KIF26B: variants seen among roughly 807,000 people sequenced by gnomAD.
KIF26B encodes kinesin-like protein KIF26B.
KIF26B carries 63 observed loss-of-function variants against 151.2 expected under a neutral mutation model. The ratio of observed to expected loss-of-function variants is 0.42; its 90% CI spans 0.34 to 0.51. The LOEUF (loss-of-function observed/expected upper bound fraction) is 0.51, where lower values mean the gene tolerates loss of function less well. KIF26B is among the 20% of genes least tolerant of loss of function. The probability of loss-of-function intolerance (pLI) is 0.07; values close to 1 mark genes in which losing one functional copy is unlikely to be tolerated. For synonymous variants in KIF26B, 1,357 were observed against 1,262.1 expected, an observed-to-expected ratio of 1.08 and a Z score of -1.59; for missense variants, 2,813 against 2,913.6, an observed-to-expected ratio of 0.97 and a Z score of 0.79.
chr1:245,232,196 T>C (rs1670012426), intron 2 of KIF26B, among the ~76,000 whole-genome samples: 1 of 152,198 alleles, frequency 6.6e-6, no homozygotes, highest in Admixed American at 6.5e-5. Context: ...TCTGAAGAAA[T>C]TAGGATATGG....
intron 5 of KIF26B, among the ~76,000 whole-genome samples, chr1:245,558,868 G>C (rs928450226): frequency 1.3e-5 from 2 of 152,244 alleles, no homozygotes; most frequent in Admixed American, 1.3e-4. Flanking sequence ...GATGGGGAGA[G>C]AGTGACTGAA....
intron 10 of KIF26B, among the ~76,000 whole-genome samples, chr1:245,673,459 G>T (rs1482914405): frequency 6.6e-6 from 1 of 152,170 alleles, no homozygotes; most frequent in Non-Finnish European, 1.5e-5. Context: ...CCATCTTAGG[G>T]TTTTGCTTAG....
At chr1:245,249,457 C>T (rs1033849326) in intron 2 of KIF26B, among the ~76,000 whole-genome samples, 13 of 149,352 alleles carry the variant, frequency 8.7e-5, no homozygotes, top group East Asian at 4.0e-4. Context: ...GACATTGTGT[C>T]GGCTCCCTTG....
chr1:245,227,787 G>T lies in KIF26B; in HGVS notation c.465+71104G>T, dbSNP rs111516452. ...AGGCTGAGGTGGGTGGATTACCTGAGGTCAGGAGTTTGAGACCAGCCTGGC... is the reference window on the plus strand; with the variant it reads ...AGGCTGAGGTGGGTGGATTACCTGATGTCAGGAGTTTGAGACCAGCCTGGC... On this transcript the variant is annotated intron_variant, in intron 2 of 14. Transcript: ENST00000407071. This position sits in a 1 kb window ranked among gnomAD's most constrained non-coding sequence, Gnocchi z 4.1. 0.039 allele frequency among the ~76,000 whole-genome samples: 5,960 copies of T among 152,118 alleles called. 400 individuals are homozygous for T. The highest frequency in any genetic ancestry group is 0.14 in the African/African-American group (5,605 of 41,468).
chr1:245,636,790 G>A (rs934359744), intron 9 of KIF26B, among the ~76,000 whole-genome samples: 1 of 151,846 alleles, frequency 6.6e-6, no homozygotes, highest in Non-Finnish European at 1.5e-5. Flanking sequence ...TTAACATAAT[G>A]ACTTCCAGCT....
chr1:245,509,112 A>G (rs938535848), intron 4 of KIF26B, among the ~76,000 whole-genome samples: 3 of 152,202 alleles, frequency 2.0e-5, no homozygotes, highest in African/African-American at 7.2e-5. Context: ...ATGCACGTGG[A>G]GTAGCTACTT....
intron 4 of KIF26B, among the ~76,000 whole-genome samples, chr1:245,510,576 T>TTCTCTCTC (rs4021193): frequency 0.016 from 2,187 of 134,018 alleles, 74 homozygotes; most frequent in African/African-American, 0.06. Context: ...TTAGCAGAGC[T>TTCTCTCTC]TCTCTCTCTC....
intron 5 of KIF26B, among the ~76,000 whole-genome samples, chr1:245,559,255 T>C (rs1315194801): frequency 1.3e-5 from 2 of 152,142 alleles, no homozygotes; most frequent in East Asian, 3.8e-4. Flanking sequence ...GGAGAATCAC[T>C]TGAGCCCGGG....
At chr1:245,370,610 G>C (rs1041565176) in intron 3 of KIF26B, 7 of 456,610 alleles carry the variant, frequency 1.5e-5, no homozygotes, top group Non-Finnish European at 3.1e-5. Context: ...GGCAGGGGCC[G>C]GTTAGAAGAC....
chr1:245,408,768 T>C (rs1674201607), intron 3 of KIF26B, among the ~76,000 whole-genome samples: 1 of 152,162 alleles, frequency 6.6e-6, no homozygotes, highest in Admixed American at 6.5e-5. Context: ...AGCTGCCCAA[T>C]ATGAACTCAA....
At chr1:245,387,467 A>G (rs973684669) in intron 3 of KIF26B, among the ~76,000 whole-genome samples, 5 of 152,156 alleles carry the variant, frequency 3.3e-5, no homozygotes, top group African/African-American at 1.2e-4. Flanking sequence ...CCCGGCTCCA[A>G]TCTAACTCTT....
rs779997090 is a variant in KIF26B at position 245,481,878 on chromosome 1, G to A, written c.1167-58889G>A. ...AGTCCTTGGTTGGACCTGACAGCAC[G>A]CTCCAGTCTTACCTTTCACTGGTAG... On this transcript the variant is annotated intron_variant, in intron 4 of 14. Coordinates refer to ENST00000407071, the MANE Select transcript of KIF26B (RefSeq NM_018012.4). 2.1e-4 allele frequency among the ~76,000 whole-genome samples: 32 copies of A among 151,752 alleles called. 1 individual carries two copies. The highest frequency in any genetic ancestry group is 4.1e-4 in the Non-Finnish European group (28 of 67,770).
At chr1:245,298,810 A>C (rs1671378864) in intron 2 of KIF26B, among the ~76,000 whole-genome samples, 1 of 152,204 alleles carries the variant, frequency 6.6e-6, no homozygotes, top group African/African-American at 2.4e-5. Flanking sequence ...AAATCCAGAA[A>C]ACATCAGGGA....
chr1:245,702,595 A>G lies in KIF26B; in HGVS notation c.6316A>G (p.Arg2106Gly), dbSNP rs1279120956. ...MMITCFDITS[R>G]RR ...GATCACCTGCTTCGACATCACCTCC[A>G]GGCGCCGGTAGATGAGCCAGACCCT... is the stretch of plus-strand genomic sequence containing the variant. The change falls in exon 15 of 15, where the codon AGG (arginine) becomes GGG (glycine). Residue 2106 changes from arginine to glycine, a missense_variant. This residue lies in a region of KIF26B where 2,060 missense variants were observed against 2,088.6 expected (regional missense o/e 0.99). Coordinates refer to ENST00000407071, the MANE Select transcript of KIF26B (RefSeq NM_018012.4). This position sits in a 1 kb window ranked among gnomAD's most constrained non-coding sequence, Gnocchi z 4.1. The G allele has an allele frequency of 1.9e-6, 3 of 1,613,658 alleles. No homozygotes were observed. Among genetic ancestry groups the G allele is most frequent in the South Asian group, 1.1e-5 (1 of 91,062 alleles).
At chr1:245,701,547 A>G (rs749306714) in intron 14 of KIF26B, among the ~76,000 whole-genome samples, 6 of 152,306 alleles carry the variant, frequency 3.9e-5, no homozygotes, top group Non-Finnish European at 5.9e-5. Context: ...CTGCAGAAAG[A>G]AGACACTCTG....
At position 245,697,869 on chromosome 1, in the gene KIF26B, G is replaced by A. The variant is rs149607431; in HGVS notation, c.5825-237G>A. Among the ~76,000 whole-genome samples, 692 of 151,980 alleles carry A rather than the reference G, an allele frequency of 4.6e-3. 3 individuals are homozygous for A. Among genetic ancestry groups the A allele is most frequent in the African/African-American group, 0.012 (498 of 41,434 alleles). ...AGCCTGGGCAATATAGCAAGATGTCGTCTCTCAAAAAAAAACATTTAATTA... is the reference window on the plus strand; with the variant it reads ...AGCCTGGGCAATATAGCAAGATGTCATCTCTCAAAAAAAAACATTTAATTA... On this transcript the variant is annotated intron_variant, in intron 12 of 14. Transcript: ENST00000407071.
chr1:245,609,799 CA>C (rs11379502), intron 8 of KIF26B, among the ~76,000 whole-genome samples: 22 of 148,216 alleles, frequency 1.5e-4, no homozygotes, highest in South Asian at 2.1e-4. Flanking sequence ...ATGCCCCTTT[CA>C]AAAAAAAAAA....
At chr1:245,224,271 G>A (rs1028133684) in intron 2 of KIF26B, among the ~76,000 whole-genome samples, 14 of 138,724 alleles carry the variant, frequency 1.0e-4, no homozygotes, top group Non-Finnish European at 2.2e-4. Flanking sequence ...GGCAACAAGA[G>A]CAAAACTCCG....
intron 3 of KIF26B, among the ~76,000 whole-genome samples, chr1:245,407,256 C>T (rs1475062631): frequency 2.0e-5 from 3 of 152,106 alleles, no homozygotes; most frequent in Non-Finnish European, 4.4e-5. Flanking sequence ...GGCCCTTTAG[C>T]CTCTGGGTTT....
Sources: gnomAD v4.1 joint callset for allele counts (sites outside exome capture counted in the v4.1 genomes callset) on GRCh38, gnomAD v4.1.1 for gene constraint, gnomAD v4.1.1 regional missense constraint, Gnocchi (gnomAD v3.1) non-coding constraint, MANE v1.5 for transcripts, NCBI Gene and HGNC (gene_info 2026-07-23, HGNC 2026-07-21) for gene names.